The following HEPHL1 variants were observed in gnomAD, a reference collection of about 807,000 sequenced individuals.
HEPHL1 encodes the protein hephaestin like 1.
In HEPHL1, 123 loss-of-function variants were observed where a neutral mutation model predicts 122.0. The ratio of observed to expected loss-of-function variants is 1.01; its 90% CI spans 0.87 to 1.17. The LOEUF (loss-of-function observed/expected upper bound fraction) is 1.17. Ranked by LOEUF, HEPHL1 falls within the 50% of genes most tolerant of loss-of-function variation. The pLI, the probability that HEPHL1 is intolerant of heterozygous loss-of-function variation, is 0.00. For synonymous variants in HEPHL1, 527 were observed against 508.9 expected (o/e 1.04, Z -0.48); for missense variants, 1,452 against 1,430.5 (o/e 1.01, Z -0.24).
At chr11:94,090,069 C>G (rs4753124) in intron 12 of HEPHL1, among the ~76,000 whole-genome samples, 16,761 of 151,904 alleles carry the variant, frequency 0.11, 964 homozygotes, top group Admixed American at 0.14. Context: ...AGGGGCTGTA[C>G]TTATGGAAAA....
At chr11:94,070,564 T>A in intron 6 of HEPHL1, 22 bp downstream of exon 6, 1 of 1,582,936 alleles carries the variant, frequency 6.3e-7, no homozygotes, top group Non-Finnish European at 8.6e-7. Flanking sequence ...TTGTTGGTGT[T>A]TCTAAGCCTC....
Position 94,073,084 on chromosome 11 carries a change from T to C in HEPHL1, c.1292T>C (p.Val431Ala). The change falls in exon 7 of 20, where the codon GTT (valine) becomes GCT (alanine). Residue 431 changes from valine (V) to alanine (A), a missense_variant. Coordinates refer to ENST00000315765, the MANE Select transcript of HEPHL1 (RefSeq NM_001098672.2). ...DNRIGGKYWK[V>A]RYTEFVDATF... ...AGAATAGGAGGAAAATACTGGAAGG[T>C]TCGGTATACTGAATTTGTTGATGCA... 6.2e-7 allele frequency: 1 copy of C among 1,612,986 alleles called. No homozygotes were observed. Among genetic ancestry groups the C allele is most frequent in the Non-Finnish European group, 8.5e-7 (1 of 1,179,272 alleles).
intron 2 of HEPHL1, among the ~76,000 whole-genome samples, chr11:94,058,522 G>C (rs1945959231): frequency 1.3e-5 from 2 of 152,080 alleles, no homozygotes; most frequent in Non-Finnish European, 2.9e-5. Context: ...GAGGGGTAGA[G>C]AATGGAACTT....
chr11:94,111,155 C>G, intron 18 of HEPHL1, 90 bp downstream of exon 18: 1 of 1,036,696 alleles, frequency 9.6e-7, no homozygotes, highest in African/African-American at 1.6e-5. Context: ...CCAGATATAG[C>G]CCTCAACAAG....
At chr11:94,062,258 T>C (rs1945989966) in intron 2 of HEPHL1, among the ~76,000 whole-genome samples, 1 of 152,112 alleles carries the variant, frequency 6.6e-6, no homozygotes, top group African/African-American at 2.4e-5. Context: ...TAATAAAAAA[T>C]GAATATTAAT....
At chr11:94,103,439 G>T (rs981990236) in intron 15 of HEPHL1, among the ~76,000 whole-genome samples, 12 of 152,086 alleles carry the variant, frequency 7.9e-5, no homozygotes, top group African/African-American at 2.9e-4. Flanking sequence ...ATATAACTTA[G>T]AGTACAATTT....
Position 94,112,201 on chromosome 11 carries a change from A to G in HEPHL1, c.*307A>G, listed in dbSNP as rs1946455994. 2 of 225,176 alleles carry G rather than the reference A, an allele frequency of 8.9e-6. No individual in the cohort carries two copies. The highest frequency in any genetic ancestry group is 1.7e-5 in the Non-Finnish European group (2 of 116,536). The allele number at this position is 225,176 out of a possible 1,614,324, so 13.9% of individuals were successfully genotyped here. ...AGGAGACACTCTGAAAGATATCTTT[A>G]TATTCCATCTTTTATAATTCTTGAA... On this transcript the variant is annotated 3_prime_UTR_variant, in exon 20 of 20. Transcript: ENST00000315765.
intron 12 of HEPHL1, among the ~76,000 whole-genome samples, chr11:94,089,743 G>T (rs1284815766): frequency 6.6e-6 from 1 of 152,176 alleles, no homozygotes; most frequent in Non-Finnish European, 1.5e-5. Context: ...CCACTGCCTG[G>T]TATTACTGTT....
intron 3 of HEPHL1, 48 bp from the exon 4 acceptor site, chr11:94,064,283 C>T (rs1465518662): frequency 2.1e-6 from 3 of 1,442,812 alleles, no homozygotes; most frequent in African/African-American, 2.8e-5. Context: ...AAGCAAAGCT[C>T]ATCTTGATTT....
chr11:94,108,782 A>G (rs1444457549), intron 17 of HEPHL1, among the ~76,000 whole-genome samples: 1 of 152,082 alleles, frequency 6.6e-6, no homozygotes, highest in Admixed American at 6.5e-5. Flanking sequence ...GAATGCCACA[A>G]TGTTTTGATT....
At chr11:94,052,876 T>TTAACAA (rs1945902650) in intron 2 of HEPHL1, among the ~76,000 whole-genome samples, 2 of 152,134 alleles carry the variant, frequency 1.3e-5, no homozygotes, top group African/African-American at 2.4e-5. Context: ...GGATGCAATT[T>TTAACAA]GCTAATATTT....
chr11:94,105,053 T>A (rs1179712594), intron 16 of HEPHL1, among the ~76,000 whole-genome samples: 12 of 152,230 alleles, frequency 7.9e-5, no homozygotes, highest in Non-Finnish European at 1.5e-5. Flanking sequence ...TGTCATATTT[T>A]TATAAGAATA....
At chr11:94,067,789 G>A in intron 5 of HEPHL1, 39 bp downstream of exon 5, 1 of 1,597,372 alleles carries the variant, frequency 6.3e-7, no homozygotes, top group Non-Finnish European at 8.6e-7. Context: ...TGTTTAGAAT[G>A]GTACAATCAA....
intron 17 of HEPHL1, among the ~76,000 whole-genome samples, chr11:94,109,049 A>G (rs1946429154): frequency 6.6e-6 from 1 of 152,116 alleles, no homozygotes; most frequent in Admixed American, 6.6e-5. Flanking sequence ...AGCATTTTGT[A>G]GTTTTCAATA....
At chr11:94,079,187 A>C (rs1447049594) in intron 9 of HEPHL1, among the ~76,000 whole-genome samples, 1 of 152,186 alleles carries the variant, frequency 6.6e-6, no homozygotes, top group Non-Finnish European at 1.5e-5. Flanking sequence ...TCTTCACAAA[A>C]AACATGATGT....
intron 12 of HEPHL1, among the ~76,000 whole-genome samples, chr11:94,091,658 T>C (rs1321436917): frequency 6.6e-6 from 1 of 151,812 alleles, no homozygotes; most frequent in Non-Finnish European, 1.5e-5. Flanking sequence ...AGGGGAAGGG[T>C]AGAGTGCAAC....
chr11:94,068,220 A>G (rs1227863657), intron 5 of HEPHL1, among the ~76,000 whole-genome samples: 1 of 152,186 alleles, frequency 6.6e-6, no homozygotes, highest in Middle Eastern at 3.2e-3. Flanking sequence ...GGAAAAACAC[A>G]TGTTCTTTTT....
At chr11:94,075,121 A>G (rs1327204052) in intron 8 of HEPHL1, 53 bp from the exon 9 acceptor site, 3 of 1,492,094 alleles carry the variant, frequency 2.0e-6, no homozygotes, top group African/African-American at 1.4e-5. Context: ...CAGTCTGACC[A>G]ATGTAATGTT....
intron 2 of HEPHL1, among the ~76,000 whole-genome samples, chr11:94,057,190 C>T (rs1163753372): frequency 2.0e-5 from 3 of 151,972 alleles, no homozygotes; most frequent in Non-Finnish European, 4.4e-5. Flanking sequence ...ATCTTTTTGT[C>T]TTCCTTTCCT....
Sources: gnomAD v4.1 joint callset for allele counts (sites outside exome capture counted in the v4.1 genomes callset) on GRCh38, gnomAD v4.1.1 for gene constraint, MANE v1.5 for transcripts, NCBI Gene and HGNC (gene_info 2026-07-23, HGNC 2026-07-21) for gene names.